The following PTPN5 variants were observed in gnomAD, a reference collection of about 807,000 sequenced individuals.
PTPN5 encodes the protein protein tyrosine phosphatase non-receptor type 5, also known as tyrosine-protein phosphatase non-receptor type 5.
PTPN5 carries 29 observed loss-of-function variants against 73.9 expected under a neutral mutation model. The ratio of observed to expected loss-of-function variants is 0.39; its 90% confidence interval spans 0.29 to 0.54. The LOEUF is 0.54. PTPN5 is among the 20% of genes least tolerant of loss of function. PTPN5 has a pLI of 0.65. For missense variants in PTPN5, 652 were observed against 751.4 expected, an observed-to-expected ratio of 0.87 and a Z score of 1.55; for synonymous variants, 267 against 304.7, an observed-to-expected ratio of 0.88 and a Z score of 1.29.
At chr11:18,769,410 T>C (rs111484542) in intron 2 of PTPN5, among the ~76,000 whole-genome samples, 2 of 151,996 alleles carry the variant, frequency 1.3e-5, no homozygotes, top group Non-Finnish European at 2.9e-5. Flanking sequence ...ATTAATTAAT[T>C]AATTAATTTT....
intron 2 of PTPN5, among the ~76,000 whole-genome samples, chr11:18,770,104 G>T (rs751862762): frequency 6.6e-6 from 1 of 152,178 alleles, no homozygotes; most frequent in Non-Finnish European, 1.5e-5. Flanking sequence ...GGTAGCGTCC[G>T]ATCTGGTCTG....
intron 2 of PTPN5, among the ~76,000 whole-genome samples, chr11:18,770,270 A>G (rs1850821427): frequency 6.6e-6 from 1 of 152,200 alleles, no homozygotes; most frequent in African/African-American, 2.4e-5. Context: ...CCCCAAAAGG[A>G]AATCCTGTAC....
chr11:18,779,951 G>A (rs951010005), intron 1 of PTPN5, among the ~76,000 whole-genome samples: 4 of 152,134 alleles, frequency 2.6e-5, no homozygotes, highest in Non-Finnish European at 1.5e-5. Flanking sequence ...GATGAAGCCT[G>A]GGAAGCGAGG....
chr11:18,788,385 T>C (rs920502250), intron 1 of PTPN5, among the ~76,000 whole-genome samples: 1 of 152,154 alleles, frequency 6.6e-6, no homozygotes, highest in Non-Finnish European at 1.5e-5. Flanking sequence ...TGGCAGTCAA[T>C]GTCCCCCCAA....
chr11:18,746,169 ATAT>A (rs1849618108), intron 3 of PTPN5, among the ~76,000 whole-genome samples: 8 of 98,256 alleles, frequency 8.1e-5, no homozygotes, highest in African/African-American at 2.3e-4. Context: ...ATAAATATAT[ATAT>A]ATATATATAT....
In PTPN5 at chr11:18,750,871, G is replaced by A. The variant is rs530630082; in HGVS notation, c.98-6672C>T. ...AGTGACAAAACTGGACTTGAACCCA[G>A]GTTGGTGGGTCTCCACAGTCTATGA... On this transcript the variant is annotated intron_variant, in intron 3 of 14. Transcript: ENST00000358540. Among the ~76,000 whole-genome samples, 3 of 152,296 alleles carry A rather than the reference G, an allele frequency of 2.0e-5. No homozygotes were observed. The East Asian group carries it at 5.8e-4, about 29-fold the overall frequency.
intron 3 of PTPN5, among the ~76,000 whole-genome samples, chr11:18,763,523 T>G (rs1334179875): frequency 1.3e-5 from 2 of 152,224 alleles, no homozygotes; most frequent in African/African-American, 4.8e-5. Flanking sequence ...TATTCTACAC[T>G]GGTTGCTTGC....
chr11:18,753,156 G>A (rs776510996), intron 3 of PTPN5, among the ~76,000 whole-genome samples: 8 of 152,224 alleles, frequency 5.3e-5, no homozygotes, highest in Non-Finnish European at 8.8e-5. Context: ...CAGGTGACAG[G>A]AAGTGAACTC....
chr11:18,733,637 TG>T lies in PTPN5; in HGVS notation c.1001-3del. ...TCAGACACACTCTGCTGTGAGGGTC[TG>T]GGGTGGTGGGAGACAAGTAAGGCTG... On this transcript the variant is annotated splice_region_variant and splice_polypyrimidine_tract_variant and intron_variant, in intron 9 of 14. Transcript: ENST00000358540. The surrounding 1 kb of genome is among the most constrained non-coding windows in gnomAD (Gnocchi z 4.3). 1.2e-6 allele frequency: 2 copies of T among 1,614,182 alleles called. No homozygotes were observed. Among genetic ancestry groups the T allele is most frequent in the Non-Finnish European group, 1.7e-6 (2 of 1,179,998 alleles).
intron 3 of PTPN5, among the ~76,000 whole-genome samples, chr11:18,753,962 C>T (rs1394616064): frequency 6.6e-6 from 1 of 152,132 alleles, no homozygotes; most frequent in Non-Finnish European, 1.5e-5. Context: ...AAAAACATCA[C>T]CCATTCTGCA....
intron 1 of PTPN5, among the ~76,000 whole-genome samples, chr11:18,778,704 A>C (rs987321235): frequency 1.3e-5 from 2 of 152,198 alleles, no homozygotes; most frequent in African/African-American, 4.8e-5. Context: ...CCAAGCAGAC[A>C]CCAGTGCCCT....
chr11:18,772,913 G>C (rs1321434977), intron 1 of PTPN5, among the ~76,000 whole-genome samples: 1 of 152,042 alleles, frequency 6.6e-6, no homozygotes, highest in Non-Finnish European at 1.5e-5. Flanking sequence ...CCCCTAAGGA[G>C]GCAGAGGACT....
chr11:18,768,221 G>T (rs1028268714), intron 2 of PTPN5, among the ~76,000 whole-genome samples: 3 of 152,230 alleles, frequency 2.0e-5, no homozygotes, highest in Admixed American at 6.5e-5. Context: ...ACGGGTCTTT[G>T]CTAAGTAGCT....
chr11:18,730,340 C>T (rs369431684), intron 12 of PTPN5: 286 of 185,730 alleles, frequency 1.5e-3, no homozygotes, highest in African/African-American at 6.4e-3. Flanking sequence ...ATTTCTGCCT[C>T]ATCCCCAACT....
At chr11:18,759,995 T>A (rs1850318746) in intron 3 of PTPN5, among the ~76,000 whole-genome samples, 1 of 152,102 alleles carries the variant, frequency 6.6e-6, no homozygotes, top group African/African-American at 2.4e-5. Context: ...AAGACATGAA[T>A]CGAGACCCTA....
chr11:18,787,251 ATATCT>A (rs1190302455), intron 1 of PTPN5, among the ~76,000 whole-genome samples: 23 of 152,304 alleles, frequency 1.5e-4, no homozygotes, highest in African/African-American at 5.3e-4. Flanking sequence ...CTATGGTATA[ATATCT>A]TTATTTATTG....
intron 3 of PTPN5, 27 bp from the exon 4 acceptor site, chr11:18,744,226 A>G: frequency 6.7e-7 from 1 of 1,500,490 alleles, no homozygotes; most frequent in South Asian, 1.4e-5. Flanking sequence ...ATGCGGGCCG[A>G]TGACTCCGGC....
chr11:18,770,207 T>C (rs1850818318), intron 2 of PTPN5, among the ~76,000 whole-genome samples: 1 of 152,232 alleles, frequency 6.6e-6, no homozygotes, highest in African/African-American at 2.4e-5. Flanking sequence ...ATTTAATACA[T>C]TCATAATGTT....
Position 18,728,816 on chromosome 11 carries a change from A to G in PTPN5, c.*118T>C. On this transcript the variant is annotated 3_prime_UTR_variant, in exon 15 of 15. Coordinates refer to ENST00000358540, the MANE Select transcript of PTPN5 (RefSeq NM_006906.2). The surrounding 1 kb of genome is among the most constrained non-coding windows in gnomAD (Gnocchi z 4.1). Reference sequence around the variant, plus strand: ...GTCAGGCCAGGCTGACAGAGGACAGAGGGAGCTGACTGAAGGGGAGGAAGC... The same window carrying G: ...GTCAGGCCAGGCTGACAGAGGACAGGGGGAGCTGACTGAAGGGGAGGAAGC... 1.1e-6 allele frequency: 1 copy of G among 890,254 alleles called. No individual in the cohort carries two copies. The allele number at this position is 890,254 out of a possible 1,614,324, so 55.1% of individuals were successfully genotyped here. A position where few individuals can be genotyped will look rare whatever the true frequency, so the allele number is the denominator to read the frequency against.
Sources: allele counts gnomAD v4.1 joint callset (sites outside exome capture counted in the v4.1 genomes callset), GRCh38; gene constraint gnomAD v4.1.1; non-coding constraint Gnocchi (gnomAD v3.1); transcripts MANE v1.5; gene names NCBI Gene and HGNC (gene_info 2026-07-23, HGNC 2026-07-21).